Variants in CTNNA3 observed in about 807,000 individuals in gnomAD.
The protein encoded by CTNNA3 is catenin alpha-3.
Under a neutral mutation model 95.7 loss-of-function variants are expected in CTNNA3, and 76 were observed. That is an observed-to-expected ratio of 0.79 (90% CI 0.66 to 0.96). The LOEUF (loss-of-function observed/expected upper bound fraction) is 0.96, where lower values mean the gene tolerates loss of function less well. Among genes scored for constraint, CTNNA3 ranks in the 40% least tolerant of loss-of-function variants. The pLI, the probability that CTNNA3 is intolerant of heterozygous loss-of-function variation, is 0.00. For missense variants in CTNNA3, 1,191 were observed against 1,089.8 expected (o/e 1.09, Z -1.31); for synonymous variants, 431 against 374.4 (o/e 1.15, Z -1.74).
chr10:67,074,504 C>T (rs1431956420), intron 7 of CTNNA3, among the ~76,000 whole-genome samples: 5 of 151,860 alleles, frequency 3.3e-5, no homozygotes, highest in Admixed American at 2.6e-4. Context: ...GCGCCCACCA[C>T]CACGCCCGGC....
At chr10:66,143,770 C>T (rs1285430766) in intron 13 of CTNNA3, among the ~76,000 whole-genome samples, 1 of 152,184 alleles carries the variant, frequency 6.6e-6, no homozygotes, top group Non-Finnish European at 1.5e-5. Context: ...CCAGTTATTT[C>T]CACTTATTCC....
chr10:67,267,910 A>T (rs1866894685), intron 5 of CTNNA3, among the ~76,000 whole-genome samples: 1 of 152,160 alleles, frequency 6.6e-6, no homozygotes, highest in African/African-American at 2.4e-5. Flanking sequence ...ACAAATACTG[A>T]GTTAAATATC....
chr10:66,883,692 G>C (rs1333444551), intron 7 of CTNNA3, among the ~76,000 whole-genome samples: 9 of 152,054 alleles, frequency 5.9e-5, no homozygotes, highest in African/African-American at 2.2e-4. Flanking sequence ...ATATAAAATG[G>C]CTGCCTGCTC....
At chr10:66,940,084 T>G (rs547764224) in intron 7 of CTNNA3, among the ~76,000 whole-genome samples, 1 of 152,282 alleles carries the variant, frequency 6.6e-6, no homozygotes, top group East Asian at 1.9e-4. Context: ...TGTTTTTGCT[T>G]TCAGTACTGG....
At chr10:67,293,001 C>G (rs1446062321) in intron 5 of CTNNA3, among the ~76,000 whole-genome samples, 2 of 151,690 alleles carry the variant, frequency 1.3e-5, no homozygotes, top group African/African-American at 4.8e-5. Context: ...GATATTGAAT[C>G]ATATAAATTC....
chr10:66,788,208 T>A (rs1840822662), intron 7 of CTNNA3, among the ~76,000 whole-genome samples: 1 of 152,082 alleles, frequency 6.6e-6, no homozygotes, highest in Non-Finnish European at 1.5e-5. Flanking sequence ...CCACCCTCCT[T>A]CCCAAGGGTC....
At chr10:66,925,809 G>C (rs955803113) in intron 7 of CTNNA3, 9 of 338,446 alleles carry the variant, frequency 2.7e-5, no homozygotes, top group Non-Finnish European at 1.8e-5. Context: ...AGACAATAAA[G>C]ACGTTGCCAA....
chr10:67,072,741 C>G (rs1187780640), intron 7 of CTNNA3, among the ~76,000 whole-genome samples: 1 of 152,128 alleles, frequency 6.6e-6, no homozygotes, highest in African/African-American at 2.4e-5. Flanking sequence ...CAGCTCATTT[C>G]TTTATCTTAG....
chr10:66,554,596 T>C (rs1398564072), intron 10 of CTNNA3, among the ~76,000 whole-genome samples: 3 of 152,162 alleles, frequency 2.0e-5, no homozygotes, highest in African/African-American at 7.2e-5. Flanking sequence ...TATTTCCCAG[T>C]CCTCTGTTTA....
intron 7 of CTNNA3, among the ~76,000 whole-genome samples, chr10:66,934,604 A>G (rs1847588493): frequency 6.6e-6 from 1 of 152,296 alleles, no homozygotes; most frequent in East Asian, 1.9e-4. Flanking sequence ...ACAGTCTTAC[A>G]AAGTATTAAA....
At chr10:66,323,420 G>T (rs1290548970) in intron 12 of CTNNA3, among the ~76,000 whole-genome samples, 1 of 151,894 alleles carries the variant, frequency 6.6e-6, no homozygotes, top group Non-Finnish European at 1.5e-5. Flanking sequence ...AAGGGGCACG[G>T]ATCACCTGAG....
intron 9 of CTNNA3, among the ~76,000 whole-genome samples, chr10:66,626,034 G>A (rs1025238511): frequency 6.6e-6 from 1 of 152,068 alleles, no homozygotes; most frequent in Non-Finnish European, 1.5e-5. Context: ...GGTTAAGTCT[G>A]CTTTTCATCA....
intron 3 of CTNNA3, among the ~76,000 whole-genome samples, chr10:67,573,591 T>A (rs1842045545): frequency 6.6e-6 from 1 of 151,960 alleles, no homozygotes; most frequent in Admixed American, 6.6e-5. Flanking sequence ...AAAAGAAGAA[T>A]AAAACACTGG....
intron 5 of CTNNA3, among the ~76,000 whole-genome samples, chr10:67,375,873 C>T (rs1843667794): frequency 6.6e-6 from 1 of 152,102 alleles, no homozygotes. Flanking sequence ...AGGCTAACCC[C>T]CAAAGTGATG....
intron 3 of CTNNA3, among the ~76,000 whole-genome samples, chr10:67,576,702 C>G (rs1842164795): frequency 1.0e-5 from 1 of 100,280 alleles, no homozygotes; most frequent in Non-Finnish European, 1.9e-5. Context: ...TATCCCTCCC[C>G]CCTCCCCCCA....
intron 7 of CTNNA3, among the ~76,000 whole-genome samples, chr10:67,061,958 ATC>A (rs1210751307): frequency 5.3e-5 from 8 of 151,970 alleles, no homozygotes; most frequent in Non-Finnish European, 8.8e-5. Flanking sequence ...TGTAAAAAAA[ATC>A]AATCTTAGGA....
At chr10:67,287,452 C>A (rs1839652387) in intron 5 of CTNNA3, among the ~76,000 whole-genome samples, 1 of 152,168 alleles carries the variant, frequency 6.6e-6, no homozygotes, top group Non-Finnish European at 1.5e-5. Flanking sequence ...TTCTAAATAT[C>A]TTTGCATATA....
intron 7 of CTNNA3, among the ~76,000 whole-genome samples, chr10:67,080,936 CAAA>C (rs58476986): frequency 3.2e-5 from 1 of 31,430 alleles, no homozygotes; most frequent in Non-Finnish European, 5.7e-5. Context: ...AAAAAAACAA[CAAA>C]AAAAAAAAAA....
chr10:66,573,071 A>G (rs559575963), intron 10 of CTNNA3, among the ~76,000 whole-genome samples: 1 of 152,316 alleles, frequency 6.6e-6, no homozygotes, highest in South Asian at 2.1e-4. Context: ...GAAACAGTGC[A>G]TCTAGGGGAA....
Sources: gnomAD v4.1 joint callset for allele counts (sites outside exome capture counted in the v4.1 genomes callset) on GRCh38, gnomAD v4.1.1 for gene constraint, MANE v1.5 for transcripts, NCBI Gene and HGNC (gene_info 2026-07-23, HGNC 2026-07-21) for gene names.